The following ZNF700 variants were observed in gnomAD, a reference collection of about 807,000 sequenced individuals.
ZNF700 encodes zinc finger protein 700.
Under a neutral mutation model 65.3 loss-of-function variants are expected in ZNF700, and 38 were observed. The ratio of observed to expected loss-of-function variants is 0.58; its 90% CI spans 0.45 to 0.76. The LOEUF (loss-of-function observed/expected upper bound fraction) is 0.76, where lower values mean the gene tolerates loss of function less well. Among genes scored for constraint, ZNF700 ranks in the 30% least tolerant of loss-of-function variants. The pLI, the probability that ZNF700 is intolerant of heterozygous loss-of-function variation, is 0.00. For missense variants in ZNF700, 857 were observed against 888.4 expected (o/e 0.96, Z 0.45); for synonymous variants, 285 against 290.4 (o/e 0.98, Z 0.19).
In ZNF700 at chr19:11,947,241, G is replaced by C. The variant is rs1375946632; in HGVS notation, c.124G>C (p.Asp42His). Residue 42 changes from aspartate (D) to histidine (H), a missense_variant, in exon 2 of 4, where the codon GAT (aspartate) becomes CAT (histidine). Asp to His is a moderately conservative substitution (Grantham distance 81). This residue lies in a region of ZNF700 where 603 missense variants were observed against 619.9 expected (regional missense o/e 0.97). Coordinates refer to ENST00000254321, the MANE Select transcript of ZNF700 (RefSeq NM_144566.3). ...NFTQEEWTLL[D>H]ISQKNLFREV... ...CACCCAGGAAGAGTGGACATTGCTG[G>C]ATATTTCCCAGAAGAATCTCTTCAG... 4.3e-6 allele frequency: 7 copies of C among 1,614,048 alleles called. No individual in the cohort carries two copies. In the African/African-American group the frequency reaches 9.3e-5, roughly 22 times the overall value.
intron 1 of ZNF700, among the ~76,000 whole-genome samples, chr19:11,932,561 A>G (rs1972729562): frequency 6.8e-6 from 1 of 147,242 alleles, no homozygotes; most frequent in South Asian, 2.1e-4. Flanking sequence ...TTTTCTTTAT[A>G]CTTCCCCAAC....
intron 1 of ZNF700, among the ~76,000 whole-genome samples, chr19:11,936,993 GT>G (rs1471289106): frequency 1.3e-5 from 2 of 152,166 alleles, no homozygotes; most frequent in African/African-American, 4.8e-5. Context: ...AGATCAGATG[GT>G]TGTATATGTG....
chr19:11,925,641 G>A lies in ZNF700; in HGVS notation c.63+368G>A, dbSNP rs529366145. Among the ~76,000 whole-genome samples the A allele has an allele frequency of 2.0e-5, 3 of 152,332 alleles. No homozygotes were observed. In the South Asian group the frequency reaches 6.2e-4, roughly 32 times the overall value. Reference sequence around the variant, plus strand: ...GCGTGGGAGGAGCAGTGGTCTGTGGGGCCCCCAGTCCCCACTTTCTCCTGT... The same window carrying A: ...GCGTGGGAGGAGCAGTGGTCTGTGGAGCCCCCAGTCCCCACTTTCTCCTGT... On this transcript the variant is annotated intron_variant, in intron 1 of 3. Coordinates refer to ENST00000254321, the MANE Select transcript of ZNF700 (RefSeq NM_144566.3).
At chr19:11,935,827 C>T (rs936927241) in intron 1 of ZNF700, among the ~76,000 whole-genome samples, 2 of 152,138 alleles carry the variant, frequency 1.3e-5, no homozygotes, top group Non-Finnish European at 2.9e-5. Flanking sequence ...CATTTACATT[C>T]GGTATTTCTC....
chr19:11,939,947 G>A (rs907929955), intron 1 of ZNF700: 7 of 144,502 alleles, frequency 4.8e-5, no homozygotes, highest in African/African-American at 1.4e-4. Context: ...GTAACAAGAC[G>A]TTTTCTTTTT....
chr19:11,950,236 G>T lies in ZNF700; in HGVS notation c.2212G>T (p.Gly738Trp). ...GAAGCCATATGAATGTAAGGATTGTGGGAAAGCATTCAGCTAGCCTGGTTC... is the reference window on the plus strand; with the variant it reads ...GAAGCCATATGAATGTAAGGATTGTTGGAAAGCATTCAGCTAGCCTGGTTC... The part of the protein sequence containing the change: ...GEKPYECKDC[G>W]KAFS The change falls in exon 4 of 4, where the codon GGG (glycine) becomes TGG (tryptophan). Residue 738 changes from glycine to tryptophan, a missense_variant. By Grantham distance (184) the Gly-to-Trp change is radical. Coordinates refer to ENST00000254321, the MANE Select transcript of ZNF700 (RefSeq NM_144566.3). The T allele has an allele frequency of 6.2e-7, 1 of 1,610,572 alleles. No individual in the cohort carries two copies. The highest frequency in any genetic ancestry group is 8.5e-7 in the Non-Finnish European group (1 of 1,178,870).
chr19:11,928,001 AT>A (rs111689982), intron 1 of ZNF700, among the ~76,000 whole-genome samples: 7,122 of 145,786 alleles, frequency 0.049, 342 homozygotes, highest in African/African-American at 0.12. Context: ...AGATACAACA[AT>A]TTTTTTTTTT....
In ZNF700 at chr19:11,948,690, T is replaced by C. The variant is rs557206771; in HGVS notation, c.666T>C (p.Tyr222=). 9.9e-6 allele frequency: 16 copies of C among 1,612,260 alleles called. No individual in the cohort carries two copies. The highest frequency in any genetic ancestry group is 2.2e-5 in the South Asian group (2 of 90,758). ...HMVMHSGDGT[Y]KCKFCGKAFH... ...TAATGCACAGTGGGGATGGAACTTA[T>C]AAATGTAAATTTTGTGGGAAAGCCT... is the stretch of plus-strand genomic sequence containing the variant. Residue 222 remains tyrosine, a synonymous_variant, in exon 4 of 4, where the codon TAT becomes TAC. Transcript: ENST00000254321.
rs985385274 is a variant in ZNF700, at chr19:11,932,592, G to A, written c.63+7319G>A. On this transcript the variant is annotated intron_variant, in intron 1 of 3. Transcript: ENST00000254321. ...CCAACCTGGGTACCCATCCACATCA[G>A]TATATTTTATTTTTGCATGTTTTTT... Among the ~76,000 whole-genome samples the A allele has an allele frequency of 1.4e-5, 2 of 145,024 alleles. 1 individual carries two copies. Among genetic ancestry groups the A allele is most frequent in the Non-Finnish European group, 3.0e-5 (2 of 67,452 alleles).
chr19:11,929,137 A>G lies in ZNF700; in HGVS notation c.63+3864A>G, dbSNP rs566592849. 9.4e-5 allele frequency among the ~76,000 whole-genome samples: 14 copies of G among 148,318 alleles called. 2 individuals are homozygous for G. The highest frequency in any genetic ancestry group is 3.7e-4 in the African/African-American group (14 of 38,008). ...TTGCTTCAAGATAATTTAAAGATCTACCAGCTTAAATTTTTGAATTACTTT... is the reference window on the plus strand; with the variant it reads ...TTGCTTCAAGATAATTTAAAGATCTGCCAGCTTAAATTTTTGAATTACTTT... On this transcript the variant is annotated intron_variant, in intron 1 of 3. Coordinates refer to ENST00000254321, the MANE Select transcript of ZNF700 (RefSeq NM_144566.3).
chr19:11,936,962 T>G (rs985728709), intron 1 of ZNF700, among the ~76,000 whole-genome samples: 1 of 152,230 alleles, frequency 6.6e-6, no homozygotes, highest in Non-Finnish European at 1.5e-5. Context: ...CCCCATTTGT[T>G]GTTTTTGTCA....
chr19:11,948,236 G>A (rs745986633), intron 3 of ZNF700, 40 bp from the exon 4 acceptor site: 5 of 1,591,584 alleles, frequency 3.1e-6, no homozygotes, highest in East Asian at 2.2e-5. Flanking sequence ...AGAAGTACTT[G>A]TAAACAAACC....
At chr19:11,938,365 C>T (rs1041758122) in intron 1 of ZNF700, among the ~76,000 whole-genome samples, 1 of 152,124 alleles carries the variant, frequency 6.6e-6, no homozygotes, top group Non-Finnish European at 1.5e-5. Context: ...GGTATATCTC[C>T]TTATGCTATC....
In ZNF700 at chr19:11,948,468, C is replaced by T. The variant is rs537085897; in HGVS notation, c.444C>T (p.Asp148=). The change falls in exon 4 of 4, where the codon GAC becomes GAT. Residue 148 remains aspartate, a synonymous_variant. Transcript: ENST00000254321. The stretch of plus-strand genomic sequence containing the variant: ...CTTTTAATATGAGCATCAGAGGTGA[C>T]ACTGGACACAAGGCATATGAGTATC... ...NSSFNMSIRG[D]TGHKAYEYQE... is the part of the protein sequence containing the mutation. The T allele has an allele frequency of 3.7e-6, 6 of 1,614,090 alleles. No homozygotes were observed. In the Admixed American group the frequency reaches 1.0e-4, roughly 27 times the overall value.
In ZNF700 at chr19:11,930,074, G is replaced by C. The variant is rs117875014; in HGVS notation, c.63+4801G>C. On this transcript the variant is annotated intron_variant, in intron 1 of 3. Coordinates refer to ENST00000254321, the MANE Select transcript of ZNF700 (RefSeq NM_144566.3). ...AGGGTCTAGTGGGTATCTGTGCCTA[G>C]GGGAGTGGGGCCTCCCAAGGGAGCA... is the stretch of plus-strand genomic sequence containing the variant. Among the ~76,000 whole-genome samples, 78 of 148,180 alleles carry C rather than the reference G, an allele frequency of 5.3e-4. 3 individuals are homozygous for C. In the East Asian group the frequency reaches 0.013, roughly 24 times the overall value.
intron 1 of ZNF700, 198 bp from the exon 2 acceptor site, chr19:11,946,983 T>C: frequency 9.6e-7 from 1 of 1,047,010 alleles, no homozygotes; most frequent in Non-Finnish European, 1.3e-6. Flanking sequence ...AGTGAAACTC[T>C]GTCTCAAAAA....
Position 11,949,952 on chromosome 19 carries a change from C to A in ZNF700, c.1928C>A (p.Thr643Asn). The A allele has an allele frequency of 6.2e-7, 1 of 1,614,148 alleles. No individual in the cohort carries two copies. Among genetic ancestry groups the A allele is most frequent in the Non-Finnish European group, 8.5e-7 (1 of 1,180,030 alleles). ...SNLQMHERTH[T>N]GEKPYECKEC... ...CTTCAGATGCATGAAAGGACTCACA[C>A]TGGAGAGAAACCCTATGAATGTAAG... The change falls in exon 4 of 4, where the codon ACT becomes AAT. Residue 643 changes from threonine to asparagine, a missense_variant. By Grantham distance (65) the Thr-to-Asn change is moderately conservative (BLOSUM62 0). Transcript: ENST00000254321.
In ZNF700 at chr19:11,948,691, A is replaced by G. The variant is rs867430279; in HGVS notation, c.667A>G (p.Lys223Glu). Residue 223 changes from lysine (K) to glutamate (E), a missense_variant, in exon 4 of 4, where the codon AAA becomes GAA. Transcript: ENST00000254321. ...MVMHSGDGTY[K>E]CKFCGKAFHS... ...AATGCACAGTGGGGATGGAACTTATAAATGTAAATTTTGTGGGAAAGCCTT... is the reference window on the plus strand; with the variant it reads ...AATGCACAGTGGGGATGGAACTTATGAATGTAAATTTTGTGGGAAAGCCTT... 5 of 1,612,238 alleles carry G rather than the reference A, an allele frequency of 3.1e-6. No individual in the cohort carries two copies. Among genetic ancestry groups the G allele is most frequent in the Middle Eastern group, 1.7e-4 (1 of 6,044 alleles).
chr19:11,927,737 G>T (rs1972652958), intron 1 of ZNF700, among the ~76,000 whole-genome samples: 2 of 152,232 alleles, frequency 1.3e-5, no homozygotes, highest in Admixed American at 6.5e-5. Context: ...ATAGGTATTG[G>T]GACATCAGGA....
Sources: allele counts gnomAD v4.1 joint callset (sites outside exome capture counted in the v4.1 genomes callset), GRCh38; gene constraint gnomAD v4.1.1; regional missense constraint gnomAD v4.1.1; transcripts MANE v1.5; gene names NCBI Gene and HGNC (gene_info 2026-07-23, HGNC 2026-07-21).